Variants in PIAS1 observed in about 807,000 individuals in gnomAD.
The protein encoded by PIAS1 is E3 SUMO-protein ligase PIAS1.
A neutral mutation model predicts 71.3 loss-of-function variants in PIAS1; 6 were observed. The observed-to-expected ratio is 0.08, with a 90% CI of 0.05 to 0.17. The LOEUF (loss-of-function observed/expected upper bound fraction) is 0.17, where lower values mean the gene tolerates loss of function less well. Ranked by LOEUF, PIAS1 falls within the 10% of genes least tolerant of loss-of-function variation. The pLI, the probability that PIAS1 is intolerant of heterozygous loss-of-function variation, is 1.00. For synonymous variants in PIAS1, 303 were observed against 292.9 expected (o/e 1.03, Z -0.35); for missense variants, 555 against 793.6 (o/e 0.70, Z 3.61).
chr15:68,065,668 C>T (rs1348554806), intron 1 of PIAS1, among the ~76,000 whole-genome samples: 1 of 150,766 alleles, frequency 6.6e-6, no homozygotes, highest in Non-Finnish European at 1.5e-5. Flanking sequence ...TTAATTAAAT[C>T]CTGCATCTCT....
At position 68,191,122 on chromosome 15, in the gene PIAS1, T is replaced by C. The variant is rs1042178815; in HGVS notation, c.*3287T>C. 4 of 152,584 alleles carry C rather than the reference T, an allele frequency of 2.6e-5. No homozygotes were observed. Among genetic ancestry groups the C allele is most frequent in the Non-Finnish European group, 5.9e-5 (4 of 68,038 alleles). The allele number at this position is 152,584 out of a possible 1,614,324, so 9.5% of individuals were successfully genotyped here. ...TCTGTTTTTTAATTAAATACAAAGC[T>C]TAGATTTCAGAAAGAGAGGGAAAAT... On this transcript the variant is annotated 3_prime_UTR_variant, in exon 14 of 14. Transcript: ENST00000249636.
intron 2 of PIAS1, among the ~76,000 whole-genome samples, chr15:68,135,704 C>G (rs1257514429): frequency 1.6e-5 from 1 of 61,514 alleles, no homozygotes; most frequent in South Asian, 4.7e-4. Flanking sequence ...GGGTGGCTGC[C>G]GGGCGGAGAC....
At chr15:68,147,490 C>T (rs77516457) in intron 6 of PIAS1, among the ~76,000 whole-genome samples, 2,612 of 151,790 alleles carry the variant, frequency 0.017, 78 homozygotes, top group African/African-American at 0.06. Context: ...TATTTGTTTC[C>T]AGTTTGTTGG....
At chr15:68,063,964 C>A (rs1252292931) in intron 1 of PIAS1, among the ~76,000 whole-genome samples, 1 of 151,594 alleles carries the variant, frequency 6.6e-6, no homozygotes, top group Non-Finnish European at 1.5e-5. Flanking sequence ...ATAAAACTTA[C>A]TAATTTTATT....
chr15:68,166,360 T>C (rs1236150356), intron 8 of PIAS1, among the ~76,000 whole-genome samples: 1 of 151,968 alleles, frequency 6.6e-6, no homozygotes, highest in East Asian at 1.9e-4. Context: ...TATTTTTTTT[T>C]TCTTTTCATG....
At chr15:68,083,530 G>T (rs183005164) in intron 1 of PIAS1, among the ~76,000 whole-genome samples, 128 of 152,212 alleles carry the variant, frequency 8.4e-4, no homozygotes, top group African/African-American at 3.0e-3. Context: ...GCTTGAAATG[G>T]AGATTGAGTT....
At chr15:68,161,082 T>C (rs1039790963) in intron 7 of PIAS1, among the ~76,000 whole-genome samples, 3 of 152,226 alleles carry the variant, frequency 2.0e-5, no homozygotes, top group African/African-American at 7.2e-5. Context: ...AAAAAGCTAC[T>C]AGAAATACTA....
intron 1 of PIAS1, among the ~76,000 whole-genome samples, chr15:68,077,383 G>GT (rs1359524641): frequency 6.6e-6 from 1 of 152,218 alleles, no homozygotes; most frequent in Non-Finnish European, 1.5e-5. Flanking sequence ...ATGATCAGGA[G>GT]TGGGAAGGGG....
At chr15:68,146,740 A>C in intron 6 of PIAS1, 40 bp downstream of exon 6, 1 of 1,506,306 alleles carries the variant, frequency 6.6e-7, no homozygotes, top group Non-Finnish European at 9.2e-7. Context: ...TTGTATTATA[A>C]GGAGGGGTTA....
chr15:68,173,715 T>G lies in PIAS1; in HGVS notation c.1009-17T>G, dbSNP rs1291970826. The G allele has an allele frequency of 6.7e-6, 10 of 1,500,920 alleles. No homozygotes were observed. Among genetic ancestry groups the G allele is most frequent in the Non-Finnish European group, 8.1e-6 (9 of 1,113,888 alleles). The allele number at this position is 1,500,920 out of a possible 1,614,324, so 93.0% of individuals were successfully genotyped here. The stretch of plus-strand genomic sequence containing the variant: ...AATAGCAATTATCTAATATTTACTT[T>G]TTCTCCCTTTTTAAAGCTTGGTAAA... On this transcript the variant is annotated splice_polypyrimidine_tract_variant and intron_variant, in intron 8 of 13. Coordinates refer to ENST00000249636, the MANE Select transcript of PIAS1 (RefSeq NM_016166.3). This position sits in a 1 kb window ranked among gnomAD's most constrained non-coding sequence, Gnocchi z 4.3.
Position 68,167,281 on chromosome 15 carries a change from A to G in PIAS1, c.1008+2477A>G, listed in dbSNP as rs1481856778. ...TTTGGCTAAAGGGATAATCCCTTAC[A>G]GTTATTCTGAAATAGTAAGATCATG... On this transcript the variant is annotated intron_variant, in intron 8 of 13. Coordinates refer to ENST00000249636, the MANE Select transcript of PIAS1 (RefSeq NM_016166.3). This position sits in a 1 kb window ranked among gnomAD's most constrained non-coding sequence, Gnocchi z 4.4. Among the ~76,000 whole-genome samples the G allele has an allele frequency of 6.6e-6, 1 of 152,158 alleles. No individual in the cohort carries two copies. Among genetic ancestry groups the G allele is most frequent in the Non-Finnish European group, 1.5e-5 (1 of 68,028 alleles).
chr15:68,132,548 C>T lies in PIAS1; in HGVS notation c.470-9398C>T, dbSNP rs542360186. ...CAAAGAAGTCACCCTGGAAGATCTACAAATATTCTTGTAAAAGTTCTGGCC... is the reference window on the plus strand; with the variant it reads ...CAAAGAAGTCACCCTGGAAGATCTATAAATATTCTTGTAAAAGTTCTGGCC... On this transcript the variant is annotated intron_variant, in intron 2 of 13. Coordinates refer to ENST00000249636, the MANE Select transcript of PIAS1 (RefSeq NM_016166.3). 2.0e-4 allele frequency among the ~76,000 whole-genome samples: 30 copies of T among 152,002 alleles called. No individual in the cohort carries two copies. The South Asian group carries it at 3.1e-3, about 16-fold the overall frequency.
intron 4 of PIAS1, 77 bp downstream of exon 4, chr15:68,142,414 A>T (rs1451990206): frequency 4.5e-6 from 5 of 1,101,102 alleles, no homozygotes; most frequent in East Asian, 4.7e-5. Context: ...CAGTTAAGGT[A>T]CAGTGCTGAC....
rs144562666 is a variant in PIAS1 at position 68,084,668 on chromosome 15, C to T, written c.25-1638C>T. Reference sequence around the variant, plus strand: ...GTCCTTTCTTACTTGTTTATTTGTTCGTTCATTCATTCACTCATTGATTAT... The same window carrying T: ...GTCCTTTCTTACTTGTTTATTTGTTTGTTCATTCATTCACTCATTGATTAT... On this transcript the variant is annotated intron_variant, in intron 1 of 13. Transcript: ENST00000249636. Among the ~76,000 whole-genome samples, 54 of 152,158 alleles carry T rather than the reference C, an allele frequency of 3.5e-4. No homozygotes were observed. In the East Asian group the frequency reaches 8.1e-3, roughly 23 times the overall value.
chr15:68,133,148 T>C (rs2092699070), intron 2 of PIAS1, among the ~76,000 whole-genome samples: 1 of 152,106 alleles, frequency 6.6e-6, no homozygotes, highest in Non-Finnish European at 1.5e-5. Context: ...TCTTCATTCT[T>C]TCTTTGGTTT....
intron 2 of PIAS1, among the ~76,000 whole-genome samples, chr15:68,121,762 A>ATC (rs970417155): frequency 4.9e-4 from 75 of 152,098 alleles, no homozygotes; most frequent in Non-Finnish European, 9.3e-4. Flanking sequence ...CTTTACAGCC[A>ATC]TCTCTACTTA....
chr15:68,101,994 C>A (rs1366246499), intron 2 of PIAS1, among the ~76,000 whole-genome samples: 1 of 152,206 alleles, frequency 6.6e-6, no homozygotes, highest in African/African-American at 2.4e-5. Context: ...CCCCAGCCTA[C>A]CAAAACACTG....
In PIAS1 at chr15:68,156,459, A is replaced by G. The variant is rs1302745363; in HGVS notation, c.934+2764A>G. On this transcript the variant is annotated intron_variant, in intron 7 of 13. Coordinates refer to ENST00000249636, the MANE Select transcript of PIAS1 (RefSeq NM_016166.3). ...TGGCTCACCCTTGTAATCCCAGCACATTGGAAGGCCGAGGCGGGTAGATCA... is the reference window on the plus strand; with the variant it reads ...TGGCTCACCCTTGTAATCCCAGCACGTTGGAAGGCCGAGGCGGGTAGATCA... 3.9e-5 allele frequency among the ~76,000 whole-genome samples: 6 copies of G among 151,950 alleles called. No individual in the cohort carries two copies. The South Asian group carries it at 1.0e-3, about 26-fold the overall frequency.
Position 68,146,549 on chromosome 15 carries a change from T to G in PIAS1, c.694-17T>G. On this transcript the variant is annotated splice_polypyrimidine_tract_variant and intron_variant, in intron 5 of 13. Coordinates refer to ENST00000249636, the MANE Select transcript of PIAS1 (RefSeq NM_016166.3). ...TGTGGAAATAATAAGTATAAATAAA[T>G]TACATTTCATTTTTAGGGTTACCTT... 2.5e-6 allele frequency: 4 copies of G among 1,601,152 alleles called. No homozygotes were observed. Among genetic ancestry groups the G allele is most frequent in the Non-Finnish European group, 3.4e-6 (4 of 1,170,094 alleles).
Sources: allele counts gnomAD v4.1 joint callset (sites outside exome capture counted in the v4.1 genomes callset), GRCh38; gene constraint gnomAD v4.1.1; non-coding constraint Gnocchi (gnomAD v3.1); transcripts MANE v1.5; gene names NCBI Gene and HGNC (gene_info 2026-07-23, HGNC 2026-07-21).